Variants in UBASH3B observed in about 807,000 individuals in gnomAD.
The protein encoded by UBASH3B is ubiquitin associated and SH3 domain containing B, also known as ubiquitin-associated and SH3 domain-containing protein B.
In UBASH3B, 37 loss-of-function variants were observed where a neutral mutation model predicts 83.4. The ratio of observed to expected loss-of-function variants is 0.44; its 90% CI spans 0.34 to 0.58. The LOEUF (loss-of-function observed/expected upper bound fraction) is 0.58. Among genes scored for constraint, UBASH3B ranks in the 20% least tolerant of loss-of-function variants. The pLI, the probability that UBASH3B is intolerant of heterozygous loss-of-function variation, is 0.01. For missense variants in UBASH3B, 657 were observed against 827.2 expected (o/e 0.79, Z 2.52); for synonymous variants, 304 against 318.3 (o/e 0.96, Z 0.48).
chr11:122,693,044 G>C (rs1863915604), intron 1 of UBASH3B, among the ~76,000 whole-genome samples: 1 of 152,164 alleles, frequency 6.6e-6, no homozygotes. Flanking sequence ...TTGTGGGCAG[G>C]GGGTGGATCT....
At chr11:122,782,509 C>G (rs1297721057) in intron 4 of UBASH3B, 1 of 151,484 alleles carries the variant, frequency 6.6e-6, no homozygotes, top group African/African-American at 2.4e-5. Context: ...AGGACAGCCA[C>G]CCCCCCCAAA....
intron 1 of UBASH3B, among the ~76,000 whole-genome samples, chr11:122,659,098 C>T (rs1213404098): frequency 6.6e-6 from 1 of 152,090 alleles, no homozygotes; most frequent in Non-Finnish European, 1.5e-5. Context: ...TCTTCCTTGG[C>T]ATGTCTCTTA....
At chr11:122,717,519 C>A (rs1269576921) in intron 1 of UBASH3B, among the ~76,000 whole-genome samples, 2 of 152,216 alleles carry the variant, frequency 1.3e-5, no homozygotes, top group Non-Finnish European at 2.9e-5. Context: ...GGCCACAGAT[C>A]AGTAGAGGGA....
chr11:122,669,713 A>G (rs548321690), intron 1 of UBASH3B, among the ~76,000 whole-genome samples: 8 of 152,316 alleles, frequency 5.3e-5, no homozygotes, highest in African/African-American at 1.9e-4. Flanking sequence ...AATATTTTAA[A>G]CACCTAACAT....
chr11:122,786,285 A>G (rs1376802390), intron 5 of UBASH3B, among the ~76,000 whole-genome samples: 1 of 151,512 alleles, frequency 6.6e-6, no homozygotes, highest in Non-Finnish European at 1.5e-5. Context: ...TCCTAACCTC[A>G]TGATCCGCCT....
Position 122,812,943 on chromosome 11 carries a change from CTGAA to C in UBASH3B, c.*3060_*3063del. The C allele has an allele frequency of 6.5e-6, 1 of 152,712 alleles. No individual in the cohort carries two copies. Among genetic ancestry groups the C allele is most frequent in the Admixed American group, 6.5e-5 (1 of 15,294 alleles). The allele number at this position is 152,712 out of a possible 1,614,324, so 9.5% of individuals were successfully genotyped here. A position where few individuals can be genotyped will look rare whatever the true frequency, so the allele number is the denominator to read the frequency against. On this transcript the variant is annotated 3_prime_UTR_variant, in exon 14 of 14. Transcript: ENST00000284273. ...TCCATTACATTTAGATTCATAGAATCTGAATGGCTGATTAAATGGCCATCTGATG... is the reference window on the plus strand; with the variant it reads ...TCCATTACATTTAGATTCATAGAATCTGGCTGATTAAATGGCCATCTGATG...
At chr11:122,701,025 T>G (rs1198723325) in intron 1 of UBASH3B, among the ~76,000 whole-genome samples, 1 of 152,202 alleles carries the variant, frequency 6.6e-6, no homozygotes, top group Non-Finnish European at 1.5e-5. Context: ...ATTAGTGTTA[T>G]GGGGTATATT....
At chr11:122,656,274 G>C (rs928219223) in intron 1 of UBASH3B, 64 bp downstream of exon 1, 1 of 1,298,844 alleles carries the variant, frequency 7.7e-7, no homozygotes, top group Non-Finnish European at 9.8e-7. Flanking sequence ...CCTCGGCTTC[G>C]CTCCGGCTCG....
intron 1 of UBASH3B, among the ~76,000 whole-genome samples, chr11:122,674,912 A>G (rs2135903464): frequency 6.6e-6 from 1 of 151,842 alleles, no homozygotes; most frequent in East Asian, 1.9e-4. Flanking sequence ...TATTTTTTGT[A>G]GAGACAGGGT....
intron 6 of UBASH3B, among the ~76,000 whole-genome samples, chr11:122,793,715 CCT>C (rs1050251962): frequency 1.6e-4 from 25 of 152,188 alleles, no homozygotes; most frequent in African/African-American, 5.5e-4. Context: ...TTCAGCAAGA[CCT>C]CTTTTAGGCT....
chr11:122,791,728 G>T (rs2135165659), intron 6 of UBASH3B, among the ~76,000 whole-genome samples: 1 of 152,308 alleles, frequency 6.6e-6, no homozygotes, highest in African/African-American at 2.4e-5. Flanking sequence ...GGCTGGCATG[G>T]TGGGAGTTGC....
In UBASH3B at chr11:122,809,775, T is replaced by C. The variant is rs142921471; in HGVS notation, c.1839T>C (p.Cys613=). The change falls in exon 14 of 14, where the codon TGT becomes TGC. Residue 613 remains cysteine, a synonymous_variant. Transcript: ENST00000284273. ...RKIPYLGFCS[C]EELGETGIWQ... is the part of the protein sequence containing the mutation. ...TCCCATATCTGGGATTTTGTTCCTGTGAAGAATTAGGAGAAACTGGAATAT... is the reference window on the plus strand; with the variant it reads ...TCCCATATCTGGGATTTTGTTCCTGCGAAGAATTAGGAGAAACTGGAATAT... 3.7e-5 allele frequency: 59 copies of C among 1,614,162 alleles called. No individual in the cohort carries two copies. The African/African-American group carries it at 7.7e-4, about 21-fold the overall frequency.
chr11:122,713,352 C>T (rs991482874), intron 1 of UBASH3B, among the ~76,000 whole-genome samples: 8 of 152,160 alleles, frequency 5.3e-5, no homozygotes, highest in Admixed American at 2.0e-4. Context: ...GCCATGTGGT[C>T]AGCTGACTCT....
chr11:122,796,078 A>C, intron 7 of UBASH3B, 78 bp from the exon 8 acceptor site: 1 of 1,578,582 alleles, frequency 6.3e-7, no homozygotes, highest in Non-Finnish European at 8.6e-7. Context: ...AGTAGAGCTC[A>C]GCTCACCTGG....
intron 1 of UBASH3B, among the ~76,000 whole-genome samples, chr11:122,701,464 C>T (rs1297293196): frequency 6.6e-6 from 1 of 152,116 alleles, no homozygotes; most frequent in Non-Finnish European, 1.5e-5. Flanking sequence ...GGGATGGGAG[C>T]CTTTCAAGCT....
At chr11:122,801,441 T>C (rs1861257910) in intron 11 of UBASH3B, 109 bp downstream of exon 11, 2 of 1,259,452 alleles carry the variant, frequency 1.6e-6, no homozygotes, top group Non-Finnish European at 2.2e-6. Flanking sequence ...CTACAGGCAG[T>C]TGTCCATAGT....
chr11:122,807,400 G>A (rs1861360464), intron 12 of UBASH3B, among the ~76,000 whole-genome samples: 2 of 152,228 alleles, frequency 1.3e-5, no homozygotes, highest in Middle Eastern at 3.4e-3. Flanking sequence ...ATCTGAATAC[G>A]CTGTGTGTAT....
intron 1 of UBASH3B, among the ~76,000 whole-genome samples, chr11:122,681,544 C>A (rs555342993): frequency 2.1e-4 from 32 of 152,290 alleles, no homozygotes; most frequent in African/African-American, 7.0e-4. Flanking sequence ...ATAAGCTTCC[C>A]TCCAAAGAAA....
intron 6 of UBASH3B, among the ~76,000 whole-genome samples, chr11:122,791,463 A>G (rs1861052739): frequency 6.6e-6 from 1 of 152,226 alleles, no homozygotes; most frequent in South Asian, 2.1e-4. Context: ...TAAAATCGCC[A>G]TTTGCATAAT....
Sources: gnomAD v4.1 joint callset for allele counts (sites outside exome capture counted in the v4.1 genomes callset) on GRCh38, gnomAD v4.1.1 for gene constraint, MANE v1.5 for transcripts, NCBI Gene and HGNC (gene_info 2026-07-23, HGNC 2026-07-21) for gene names.